SLC8A1: variants seen among roughly 807,000 people sequenced by gnomAD.
SLC8A1 encodes solute carrier family 8 member A1.
In SLC8A1, 18 loss-of-function variants were observed where a neutral mutation model predicts 68.3. That is an observed-to-expected ratio of 0.26 (90% CI 0.18 to 0.39). SLC8A1 has a LOEUF of 0.39. Ranked by LOEUF, SLC8A1 falls within the 10% of genes least tolerant of loss-of-function variation. SLC8A1 has a pLI of 1.00. For missense variants in SLC8A1, 985 were observed against 1,156.7 expected, an observed-to-expected ratio of 0.85 and a Z score of 2.15; for synonymous variants, 475 against 415.5, an observed-to-expected ratio of 1.14 and a Z score of -1.74.
chr2:40,221,007 T>G (rs1156410707), intron 2 of SLC8A1, among the ~76,000 whole-genome samples: 1 of 152,108 alleles, frequency 6.6e-6, no homozygotes, highest in East Asian at 1.9e-4. Flanking sequence ...AAAGAGGGAC[T>G]TCTCCCTAAC....
intron 1 of SLC8A1, among the ~76,000 whole-genome samples, chr2:40,463,618 G>A (rs981107332): frequency 6.6e-6 from 1 of 151,956 alleles, no homozygotes; most frequent in African/African-American, 2.4e-5. Flanking sequence ...TTCTATGCAT[G>A]GTTTTACTTT....
intron 2 of SLC8A1, among the ~76,000 whole-genome samples, chr2:40,415,419 C>T (rs1467479234): frequency 6.7e-6 from 1 of 148,232 alleles, no homozygotes; most frequent in Non-Finnish European, 1.5e-5. Flanking sequence ...TTGTTCTAAT[C>T]CATATGGAAA....
intron 2 of SLC8A1, among the ~76,000 whole-genome samples, chr2:40,210,991 C>G (rs576609590): frequency 4.3e-4 from 65 of 152,356 alleles, no homozygotes; most frequent in African/African-American, 1.5e-3. Flanking sequence ...TCAAGACCCT[C>G]ATTTTCTAGT....
At chr2:40,195,147 C>T (rs765694102) in intron 2 of SLC8A1, among the ~76,000 whole-genome samples, 1 of 152,000 alleles carries the variant, frequency 6.6e-6, no homozygotes, top group African/African-American at 2.4e-5. Context: ...GAAATCAACA[C>T]AGGGAAGCAA....
At chr2:40,307,528 T>C (rs1005891579) in intron 2 of SLC8A1, among the ~76,000 whole-genome samples, 3 of 152,236 alleles carry the variant, frequency 2.0e-5, no homozygotes, top group African/African-American at 4.8e-5. Flanking sequence ...GTAAATTTTA[T>C]ATTTTTTACT....
At chr2:40,331,547 A>G (rs1426295957) in intron 2 of SLC8A1, among the ~76,000 whole-genome samples, 1 of 152,146 alleles carries the variant, frequency 6.6e-6, no homozygotes, top group Non-Finnish European at 1.5e-5. Context: ...ACTAAAACTC[A>G]TCAATTATTT....
At chr2:40,285,149 T>C (rs558789690) in intron 2 of SLC8A1, among the ~76,000 whole-genome samples, 24 of 152,168 alleles carry the variant, frequency 1.6e-4, no homozygotes, top group Non-Finnish European at 2.5e-4. Flanking sequence ...TTGGGTATTA[T>C]TGTCCTCATT....
chr2:40,290,949 C>T (rs2069196663), intron 2 of SLC8A1, among the ~76,000 whole-genome samples: 2 of 152,150 alleles, frequency 1.3e-5, no homozygotes, highest in African/African-American at 4.8e-5. Flanking sequence ...AAGGTTTATG[C>T]CTATGACAGA....
chr2:40,496,897 G>A (rs1705738685), intron 1 of SLC8A1, among the ~76,000 whole-genome samples: 2 of 140,950 alleles, frequency 1.4e-5, no homozygotes, highest in African/African-American at 2.7e-5. Flanking sequence ...ACACAGGAAG[G>A]GGAATATCAC....
chr2:40,321,016 G>C (rs1370812826), intron 2 of SLC8A1, among the ~76,000 whole-genome samples: 1 of 152,038 alleles, frequency 6.6e-6, no homozygotes, highest in Admixed American at 6.6e-5. Flanking sequence ...CAAGCCACAG[G>C]GAAGAGGCTG....
intron 5 of SLC8A1, among the ~76,000 whole-genome samples, chr2:40,161,855 A>T (rs2045743355): frequency 6.6e-6 from 1 of 152,196 alleles, no homozygotes; most frequent in South Asian, 2.1e-4. Context: ...CAGAAAACAC[A>T]TTATTTGTCA....
At chr2:40,248,312 T>G (rs1477864484) in intron 2 of SLC8A1, among the ~76,000 whole-genome samples, 1 of 152,198 alleles carries the variant, frequency 6.6e-6, no homozygotes, top group Non-Finnish European at 1.5e-5. Context: ...GTTGAAATCC[T>G]AACTCCCAGG....
chr2:40,504,123 C>A (rs1285705609), intron 1 of SLC8A1, among the ~76,000 whole-genome samples: 1 of 151,922 alleles, frequency 6.6e-6, no homozygotes, highest in Non-Finnish European at 1.5e-5. Context: ...ACCAATGGAA[C>A]AGAATAGAGA....
In SLC8A1 at chr2:40,350,587, C is replaced by CAAAAAAAA. The variant is rs572258156; in HGVS notation, c.1808+77878_1808+77885dup. 1.9e-3 allele frequency among the ~76,000 whole-genome samples: 146 copies of CAAAAAAAA among 76,212 alleles called. 2 individuals carry two copies. The highest frequency in any genetic ancestry group is 2.7e-3 in the Admixed American group (14 of 5,258). The allele number at this position is 76,212 out of a possible 152,430, so 50.0% of individuals were successfully genotyped here. On this transcript the variant is annotated intron_variant, in intron 2 of 7. Coordinates refer to ENST00000406785, the Ensembl canonical transcript of SLC8A1. The stretch of plus-strand genomic sequence containing the variant: ...ATTACTTCTCACGCACCCAGACAAG[C>CAAAAAAAA]AAAAAAAAAAAAAAAAAAAAAAAAA...
In SLC8A1 at chr2:40,384,451, A is replaced by G. The variant is rs1337367452; in HGVS notation, c.1808+44022T>C. Among the ~76,000 whole-genome samples the G allele has an allele frequency of 2.6e-5, 4 of 152,082 alleles. No individual in the cohort carries two copies. In the East Asian group the frequency reaches 7.8e-4, roughly 30 times the overall value. ...TTGCATCATGAATCATGGGTATAGAAGGCAACATTCTCTAATTATCTTTGA... is the reference window on the plus strand; with the variant it reads ...TTGCATCATGAATCATGGGTATAGAGGGCAACATTCTCTAATTATCTTTGA... On this transcript the variant is annotated intron_variant, in intron 2 of 7. Transcript: ENST00000406785.
At chr2:40,400,891 G>A (rs914765256) in intron 2 of SLC8A1, among the ~76,000 whole-genome samples, 1 of 152,142 alleles carries the variant, frequency 6.6e-6, no homozygotes, top group African/African-American at 2.4e-5. Flanking sequence ...GGCAGGAAAT[G>A]GGCAGGGAGC....
chr2:40,360,041 C>G (rs1674115729), intron 2 of SLC8A1, among the ~76,000 whole-genome samples: 1 of 152,052 alleles, frequency 6.6e-6, no homozygotes, highest in South Asian at 2.1e-4. Context: ...TGCCCACTGG[C>G]ATGTGCCAGA....
At chr2:40,187,609 C>A (rs1172727690) in intron 2 of SLC8A1, among the ~76,000 whole-genome samples, 1 of 152,026 alleles carries the variant, frequency 6.6e-6, no homozygotes, top group South Asian at 2.1e-4. Context: ...TTGTCAAATG[C>A]AAAATAAGAA....
intron 2 of SLC8A1, among the ~76,000 whole-genome samples, chr2:40,216,794 A>G (rs1351206706): frequency 6.6e-6 from 1 of 152,194 alleles, no homozygotes; most frequent in Non-Finnish European, 1.5e-5. Flanking sequence ...GGCTGCATGA[A>G]TGTCTTCTTT....
Sources: gnomAD v4.1 joint callset for allele counts (sites outside exome capture counted in the v4.1 genomes callset) on GRCh38, gnomAD v4.1.1 for gene constraint, MANE v1.5 for transcripts, NCBI Gene and HGNC (gene_info 2026-07-23, HGNC 2026-07-21) for gene names.